NHS: variants seen among roughly 807,000 people sequenced by gnomAD.
The protein encoded by NHS is NHS actin remodeling regulator.
In NHS, 5 loss-of-function variants were observed where a neutral mutation model predicts 72.5. The observed-to-expected ratio is 0.07, with a 90% confidence interval of 0.04 to 0.14. NHS has a LOEUF of 0.14. Ranked by LOEUF, NHS falls within the 10% of genes least tolerant of loss-of-function variation. NHS has a pLI of 1.00. For synonymous variants in NHS, 464 were observed against 547.7 expected (o/e 0.85, Z 2.13); for missense variants, 1,072 against 1,355.7 (o/e 0.79, Z 3.29).
chrX:17,506,479 C>T (rs181179931), intron 1 of NHS, among the ~76,000 whole-genome samples: 48 of 107,166 alleles, frequency 4.5e-4, no homozygotes, highest in African/African-American at 1.5e-3. Flanking sequence ...TGCAGTGAGC[C>T]GAGATCACAC....
chrX:17,723,354 A>C (rs1476679155), intron 5 of NHS, among the ~76,000 whole-genome samples: 3 of 111,712 alleles, frequency 2.7e-5, no homozygotes, highest in African/African-American at 9.8e-5. Flanking sequence ...ACTTTGAAAA[A>C]TCCATGGTGC....
At chrX:17,537,592 C>G (rs2065233808) in intron 1 of NHS, among the ~76,000 whole-genome samples, 1 of 112,156 alleles carries the variant, frequency 8.9e-6, no homozygotes, top group Non-Finnish European at 1.9e-5. Flanking sequence ...TCAGGTCCCC[C>G]CAAAATGGAG....
At chrX:17,626,859 G>A (rs1016889758) in intron 1 of NHS, among the ~76,000 whole-genome samples, 1 of 111,959 alleles carries the variant, frequency 8.9e-6, no homozygotes, top group Non-Finnish European at 1.9e-5. Context: ...TTTGTGAACT[G>A]CATCACTTCC....
chrX:17,732,422 C>T lies in NHS; in HGVS notation c.4914C>T (p.Asp1638=), dbSNP rs762318526. ...AISEGETENS[D]GSPHDDRSSQ... ...CCGAGGGAGAGACGGAAAATTCTGA[C>T]GGGAGCCCACATGACGACCGTTCCT... Residue 1638 remains aspartate (D), a synonymous_variant, in exon 9 of 9, where the codon GAC becomes GAT. Coordinates refer to ENST00000676302, the MANE Select transcript of NHS (RefSeq NM_001291867.2). 11 of 1,211,306 alleles carry T rather than the reference C, an allele frequency of 9.1e-6. No individual in the cohort carries two copies. The highest frequency in any genetic ancestry group is 3.5e-5 in the South Asian group (2 of 56,910).
intron 1 of NHS, among the ~76,000 whole-genome samples, chrX:17,601,306 G>A (rs774528950): frequency 1.9e-4 from 21 of 112,062 alleles, no homozygotes; most frequent in Non-Finnish European, 3.4e-4. Flanking sequence ...TGTGTTTTGC[G>A]AAATCATGGA....
intron 1 of NHS, among the ~76,000 whole-genome samples, chrX:17,474,974 T>A (rs925090189): frequency 9.0e-6 from 1 of 110,522 alleles, no homozygotes; most frequent in African/African-American, 3.3e-5. Flanking sequence ...GAATGAGGAG[T>A]AGGGTATGTG....
intron 1 of NHS, among the ~76,000 whole-genome samples, chrX:17,552,776 T>G (rs1315335899): frequency 8.9e-6 from 1 of 111,805 alleles, no homozygotes; most frequent in Non-Finnish European, 1.9e-5. Context: ...TCTAGATCCT[T>G]CATGTTCAAA....
At chrX:17,586,992 A>C (rs1368562614) in intron 1 of NHS, 1 of 112,310 alleles carries the variant, frequency 8.9e-6, no homozygotes, top group East Asian at 2.8e-4. Flanking sequence ...CTAAAAACTG[A>C]ATTTCCCAAT....
At chrX:17,679,800 ATAC>A (rs2066112842) in intron 1 of NHS, among the ~76,000 whole-genome samples, 1 of 105,150 alleles carries the variant, frequency 9.5e-6, no homozygotes, top group Admixed American at 1.0e-4. Flanking sequence ...GATATTTCAT[ATAC>A]TGAATACCTG....
intron 1 of NHS, among the ~76,000 whole-genome samples, chrX:17,595,263 A>G (rs753485423): frequency 9.0e-6 from 1 of 111,676 alleles, no homozygotes; most frequent in East Asian, 2.8e-4. Context: ...GATCCTTTCC[A>G]TGAGACTGAT....
intron 1 of NHS, among the ~76,000 whole-genome samples, chrX:17,409,374 G>GT (rs61181196): frequency 0.028 from 2,763 of 97,148 alleles, 86 homozygotes; most frequent in African/African-American, 0.086. Context: ...CTTCCATTAT[G>GT]TTTTTTTTTT....
intron 3 of NHS, among the ~76,000 whole-genome samples, chrX:17,698,244 T>C (rs1193719358): frequency 2.7e-5 from 3 of 110,909 alleles, no homozygotes; most frequent in African/African-American, 9.8e-5. Flanking sequence ...AAAACACAAA[T>C]AAAATAAGCA....
At chrX:17,394,461 T>A (rs2064462079) in intron 1 of NHS, among the ~76,000 whole-genome samples, 1 of 112,477 alleles carries the variant, frequency 8.9e-6, no homozygotes, top group Non-Finnish European at 1.9e-5. Context: ...GACTATGTAA[T>A]TTGCTTGTGC....
At chrX:17,554,189 A>G (rs1232940595) in intron 1 of NHS, among the ~76,000 whole-genome samples, 1 of 111,871 alleles carries the variant, frequency 8.9e-6, no homozygotes, top group African/African-American at 3.3e-5. Context: ...TGTCTAAGAG[A>G]TGTTTTGGAT....
In NHS at chrX:17,712,648, C is replaced by T. The variant is rs759273782; in HGVS notation, c.853-6696C>T. On this transcript the variant is annotated intron_variant, in intron 3 of 8. Transcript: ENST00000676302. ...TCTCCACAACCATTACCCAGAACTT[C>T]GCCACGGTGATTGGAATAAATCACT... 6.4e-5 allele frequency among the ~76,000 whole-genome samples: 7 copies of T among 109,477 alleles called. No homozygotes were observed. The East Asian group carries it at 2.0e-3, about 32-fold the overall frequency.
chrX:17,548,608 A>G (rs2065306584), intron 1 of NHS, among the ~76,000 whole-genome samples: 1 of 111,981 alleles, frequency 8.9e-6, no homozygotes, highest in African/African-American at 3.3e-5. Flanking sequence ...GCATGCACAT[A>G]CACATATAGA....
intron 1 of NHS, among the ~76,000 whole-genome samples, chrX:17,474,852 T>G (rs137949335): frequency 0.033 from 3,693 of 111,145 alleles, 162 homozygotes; most frequent in African/African-American, 0.12. Context: ...GCATCCACTA[T>G]GACATCTCAA....
intron 1 of NHS, among the ~76,000 whole-genome samples, chrX:17,622,672 C>A (rs993257031): frequency 2.7e-5 from 3 of 111,862 alleles, no homozygotes; most frequent in Admixed American, 1.9e-4. Context: ...AAGCCATGAC[C>A]AGAAATGAGT....
At chrX:17,576,866 C>T (rs946090094) in intron 1 of NHS, among the ~76,000 whole-genome samples, 5 of 111,912 alleles carry the variant, frequency 4.5e-5, no homozygotes, top group African/African-American at 1.3e-4. Context: ...AGCCTTGATG[C>T]ATTCCCAAAA....
Sources: gnomAD v4.1 joint callset for allele counts (sites outside exome capture counted in the v4.1 genomes callset) on GRCh38, gnomAD v4.1.1 for gene constraint, MANE v1.5 for transcripts, NCBI Gene and HGNC (gene_info 2026-07-23, HGNC 2026-07-21) for gene names.